GABRB1: variants seen among roughly 807,000 people sequenced by gnomAD.
The protein encoded by GABRB1 is gamma-aminobutyric acid type A receptor subunit beta1.
A neutral mutation model predicts 51.6 loss-of-function variants in GABRB1; 17 were observed. The observed-to-expected ratio is 0.33, with a 90% CI of 0.23 to 0.49. GABRB1 has a LOEUF of 0.49. GABRB1 is among the 20% of genes least tolerant of loss of function. GABRB1 has a pLI of 0.99. For synonymous variants in GABRB1, 247 were observed against 218.9 expected, an observed-to-expected ratio of 1.13 and a Z score of -1.14; for missense variants, 410 against 600.6, an observed-to-expected ratio of 0.68 and a Z score of 3.32.
intron 5 of GABRB1, among the ~76,000 whole-genome samples, chr4:47,384,304 G>T (rs573716064): frequency 6.6e-6 from 1 of 151,484 alleles, no homozygotes; most frequent in South Asian, 2.1e-4. Context: ...ACTGATTTTG[G>T]CAGGTTGAGG....
chr4:47,396,518 CAAATTTCTAGAAGG>C (rs1283209885), intron 5 of GABRB1, among the ~76,000 whole-genome samples: 6 of 152,098 alleles, frequency 3.9e-5, no homozygotes, highest in Non-Finnish European at 7.4e-5. Flanking sequence ...GCAATTCACA[CAAATTTCTAGAAGG>C]AAATTTCTAG....
At chr4:47,264,039 G>T (rs754047831) in intron 4 of GABRB1, among the ~76,000 whole-genome samples, 4 of 152,082 alleles carry the variant, frequency 2.6e-5, no homozygotes, top group Non-Finnish European at 4.4e-5. Context: ...CTACTCAGGA[G>T]GCAGAGCTGG....
chr4:47,078,181 G>T (rs1175009111), intron 3 of GABRB1, among the ~76,000 whole-genome samples: 2 of 151,202 alleles, frequency 1.3e-5, no homozygotes, highest in Admixed American at 1.3e-4. Context: ...TAGAGATGGG[G>T]TTTCTCCCTG....
At chr4:47,012,790 G>A (rs1395576631) in intron 1 of GABRB1, among the ~76,000 whole-genome samples, 3 of 152,240 alleles carry the variant, frequency 2.0e-5, no homozygotes, top group South Asian at 4.1e-4. Context: ...AAAGGAAAAG[G>A]AGAGAAAACA....
chr4:47,176,575 A>G (rs936056472), intron 4 of GABRB1, among the ~76,000 whole-genome samples: 1 of 152,102 alleles, frequency 6.6e-6, no homozygotes, highest in African/African-American at 2.4e-5. Context: ...TGGCAGTTGC[A>G]GAAGTTTGAG....
chr4:47,087,984 T>C (rs1041264835), intron 3 of GABRB1, among the ~76,000 whole-genome samples: 3 of 152,184 alleles, frequency 2.0e-5, no homozygotes, highest in Non-Finnish European at 2.9e-5. Flanking sequence ...TTATGCAAAA[T>C]GGCAATTTCT....
At chr4:47,174,557 T>C (rs1307830621) in intron 4 of GABRB1, among the ~76,000 whole-genome samples, 1 of 152,188 alleles carries the variant, frequency 6.6e-6, no homozygotes, top group Non-Finnish European at 1.5e-5. Context: ...TCACAGGTAT[T>C]AGTCTGATCT....
At chr4:47,300,704 C>G (rs990092575) in intron 4 of GABRB1, among the ~76,000 whole-genome samples, 1 of 152,008 alleles carries the variant, frequency 6.6e-6, no homozygotes, top group Non-Finnish European at 1.5e-5. Context: ...GATACAGGCA[C>G]AAAGACACTT....
intron 4 of GABRB1, among the ~76,000 whole-genome samples, chr4:47,180,977 T>C (rs970683236): frequency 6.6e-6 from 1 of 152,050 alleles, no homozygotes; most frequent in African/African-American, 2.4e-5. Flanking sequence ...GATTTCATTA[T>C]AATGTGCCTT....
chr4:47,228,776 G>A (rs762092851), intron 4 of GABRB1, among the ~76,000 whole-genome samples: 9 of 152,100 alleles, frequency 5.9e-5, no homozygotes, highest in East Asian at 1.9e-4. Context: ...GTATCCTCCC[G>A]TGGTGTGGAG....
chr4:47,360,073 A>G (rs114993989), intron 5 of GABRB1, among the ~76,000 whole-genome samples: 1,752 of 151,986 alleles, frequency 0.012, 13 homozygotes, highest in Non-Finnish European at 0.017. Flanking sequence ...TAATTACAAG[A>G]TGTACAACAA....
chr4:47,223,983 A>G (rs1720858120), intron 4 of GABRB1, among the ~76,000 whole-genome samples: 1 of 152,072 alleles, frequency 6.6e-6, no homozygotes, highest in South Asian at 2.1e-4. Flanking sequence ...TATTTTCCAT[A>G]CAATTGCTCC....
intron 5 of GABRB1, among the ~76,000 whole-genome samples, chr4:47,324,269 T>G (rs1484273960): frequency 6.6e-6 from 1 of 152,186 alleles, no homozygotes; most frequent in Non-Finnish European, 1.5e-5. Flanking sequence ...TCTATTCCTT[T>G]CTTAGGCTGG....
intron 3 of GABRB1, among the ~76,000 whole-genome samples, chr4:47,054,495 C>G (rs1373647305): frequency 1.3e-5 from 2 of 152,142 alleles, no homozygotes; most frequent in South Asian, 4.1e-4. Context: ...CGATGAAGAT[C>G]AATGGGTAAT....
At chr4:47,089,812 T>C (rs933865619) in intron 3 of GABRB1, among the ~76,000 whole-genome samples, 1 of 152,124 alleles carries the variant, frequency 6.6e-6, no homozygotes, top group African/African-American at 2.4e-5. Flanking sequence ...ACAGGACTTA[T>C]AATGAAAATA....
intron 4 of GABRB1, among the ~76,000 whole-genome samples, chr4:47,195,421 TA>T (rs1258497669): frequency 6.6e-5 from 4 of 60,812 alleles, no homozygotes; most frequent in African/African-American, 1.3e-4. Flanking sequence ...GATAGATAGA[TA>T]GATAGATAGA....
At chr4:47,070,565 C>G (rs1727292170) in intron 3 of GABRB1, among the ~76,000 whole-genome samples, 1 of 152,100 alleles carries the variant, frequency 6.6e-6, no homozygotes, top group Non-Finnish European at 1.5e-5. Flanking sequence ...CTCCTGACCT[C>G]AGGTGATCCA....
intron 1 of GABRB1, among the ~76,000 whole-genome samples, chr4:47,009,923 G>A (rs1724537485): frequency 6.6e-6 from 1 of 152,186 alleles, no homozygotes; most frequent in African/African-American, 2.4e-5. Flanking sequence ...TTTTTTAATG[G>A]ATGTGTATAC....
At chr4:47,058,330 A>G (rs1287192847) in intron 3 of GABRB1, among the ~76,000 whole-genome samples, 1 of 152,228 alleles carries the variant, frequency 6.6e-6, no homozygotes, top group Non-Finnish European at 1.5e-5. Flanking sequence ...TATGGTTTCT[A>G]TAAATGGAAA....
Sources: gnomAD v4.1 joint callset for allele counts (sites outside exome capture counted in the v4.1 genomes callset) on GRCh38, gnomAD v4.1.1 for gene constraint, MANE v1.5 for transcripts, NCBI Gene and HGNC (gene_info 2026-07-23, HGNC 2026-07-21) for gene names.